Variants in UBTD2 observed in about 807,000 individuals in gnomAD.
UBTD2 encodes ubiquitin domain containing 2.
UBTD2 carries 9 observed loss-of-function variants against 19.8 expected under a neutral mutation model. That is an observed-to-expected ratio of 0.46 (90% CI 0.27 to 0.79). The LOEUF (loss-of-function observed/expected upper bound fraction) is 0.79. UBTD2 is among the 30% of genes least tolerant of loss of function. The pLI, the probability that UBTD2 is intolerant of heterozygous loss-of-function variation, is 0.14. For missense variants in UBTD2, 250 were observed against 300.4 expected, an observed-to-expected ratio of 0.83 and a Z score of 1.24; for synonymous variants, 98 against 103.9, an observed-to-expected ratio of 0.94 and a Z score of 0.35.
intron 1 of UBTD2, among the ~76,000 whole-genome samples, chr5:172,258,766 T>C (rs929811124): frequency 6.6e-6 from 1 of 152,204 alleles, no homozygotes; most frequent in South Asian, 2.1e-4. Context: ...TTGGATGTTA[T>C]TGTGTATAGA....
chr5:172,264,262 C>T (rs1219914538), intron 1 of UBTD2, among the ~76,000 whole-genome samples: 1 of 151,770 alleles, frequency 6.6e-6, no homozygotes, highest in Non-Finnish European at 1.5e-5. Flanking sequence ...AATAAAACAA[C>T]CCAGCCAGGT....
chr5:172,235,986 G>T (rs192812867), intron 1 of UBTD2, among the ~76,000 whole-genome samples: 2 of 152,134 alleles, frequency 1.3e-5, no homozygotes, highest in African/African-American at 4.8e-5. Flanking sequence ...CTCTCAAACT[G>T]GTTCTAAAGC....
chr5:172,239,364 G>C (rs914320431), intron 1 of UBTD2, among the ~76,000 whole-genome samples: 1 of 152,004 alleles, frequency 6.6e-6, no homozygotes, highest in Non-Finnish European at 1.5e-5. Context: ...AGGCAGGGGG[G>C]ATCACTTGAA....
At chr5:172,241,619 GAT>G (rs780653582) in intron 1 of UBTD2, among the ~76,000 whole-genome samples, 17 of 152,032 alleles carry the variant, frequency 1.1e-4, no homozygotes, top group Non-Finnish European at 2.1e-4. Flanking sequence ...AATATAGTTT[GAT>G]ATCTGGTAGG....
chr5:172,261,147 T>C (rs1396434449), intron 1 of UBTD2, among the ~76,000 whole-genome samples: 1 of 152,188 alleles, frequency 6.6e-6, no homozygotes, highest in Admixed American at 6.6e-5. Context: ...AGTGAGACAC[T>C]TTAGGAAGCA....
At chr5:172,280,872 AG>A (rs1223204516) in intron 1 of UBTD2, among the ~76,000 whole-genome samples, 29 of 152,328 alleles carry the variant, frequency 1.9e-4, no homozygotes, top group Admixed American at 1.4e-3. Context: ...ACACCTAATA[AG>A]GAAGGTTTTA....
intron 1 of UBTD2, among the ~76,000 whole-genome samples, chr5:172,249,287 TA>T (rs2113057677): frequency 6.7e-6 from 1 of 149,796 alleles, no homozygotes; most frequent in Non-Finnish European, 1.5e-5. Flanking sequence ...TAATCCCAGC[TA>T]CTCGGGAGGC....
intron 1 of UBTD2, among the ~76,000 whole-genome samples, chr5:172,260,298 T>C (rs940763349): frequency 5.3e-5 from 8 of 151,922 alleles, no homozygotes; most frequent in African/African-American, 1.7e-4. Context: ...CTTAATGTTT[T>C]ATCTGAAAAC....
intron 1 of UBTD2, among the ~76,000 whole-genome samples, chr5:172,268,999 G>A (rs1332457443): frequency 6.6e-6 from 1 of 152,086 alleles, no homozygotes; most frequent in Non-Finnish European, 1.5e-5. Context: ...TTACTTTTAA[G>A]AGATTCACAT....
At chr5:172,223,993 G>C (rs1171450871) in intron 2 of UBTD2, among the ~76,000 whole-genome samples, 1 of 152,190 alleles carries the variant, frequency 6.6e-6, no homozygotes, top group Admixed American at 6.5e-5. Context: ...ACAGCTTAAA[G>C]AAGGAAATGG....
chr5:172,246,507 C>G (rs188693051), intron 1 of UBTD2, among the ~76,000 whole-genome samples: 4 of 134,258 alleles, frequency 3.0e-5, no homozygotes, highest in South Asian at 2.3e-4. Context: ...TGCAGTGGTG[C>G]GATCTTGGCT....
In UBTD2 at chr5:172,283,464, G is replaced by A. The variant is rs531163704; in HGVS notation, c.70+132C>T. On this transcript the variant is annotated intron_variant, in intron 1 of 2. Coordinates refer to ENST00000393792, the MANE Select transcript of UBTD2 (RefSeq NM_152277.3). The surrounding 1 kb of genome is among the most constrained non-coding windows in gnomAD (Gnocchi z 4.3). ...CTGGCAGGACAGCCGGAAGCGGAGC[G>A]CGGGGAATGACGTGGAAGAGGGGAT... 125 of 663,612 alleles carry A rather than the reference G, an allele frequency of 1.9e-4. No homozygotes were observed. Among genetic ancestry groups the A allele is most frequent in the African/African-American group, 1.0e-3 (53 of 52,682 alleles). The allele number at this position is 663,612 out of a possible 1,614,324, so 41.1% of individuals were successfully genotyped here. A position where few individuals can be genotyped will look rare whatever the true frequency, so the allele number is the denominator to read the frequency against.
intron 1 of UBTD2, chr5:172,255,041 G>T: frequency 1.9e-6 from 1 of 527,764 alleles, no homozygotes; most frequent in Non-Finnish European, 3.7e-6. Context: ...TCTGTGCCAG[G>T]AGAGGGCAGC....
chr5:172,282,969 C>T (rs547037478), intron 1 of UBTD2, among the ~76,000 whole-genome samples: 3 of 152,232 alleles, frequency 2.0e-5, no homozygotes, highest in African/African-American at 4.8e-5. Context: ...GCCTAACACC[C>T]CCAAGCTCTA....
At chr5:172,237,760 T>C (rs1561855702) in intron 1 of UBTD2, among the ~76,000 whole-genome samples, 1 of 152,240 alleles carries the variant, frequency 6.6e-6, no homozygotes, top group Non-Finnish European at 1.5e-5. Flanking sequence ...TTCATATTCA[T>C]AAACCACTCA....
At chr5:172,276,972 G>A (rs942213267) in intron 1 of UBTD2, among the ~76,000 whole-genome samples, 9 of 149,076 alleles carry the variant, frequency 6.0e-5, no homozygotes, top group Non-Finnish European at 1.2e-4. Context: ...GGGAGGCTGA[G>A]GCAGGAGAAT....
intron 2 of UBTD2, among the ~76,000 whole-genome samples, chr5:172,215,985 G>A (rs538007379): frequency 5.9e-5 from 9 of 152,124 alleles, no homozygotes; most frequent in East Asian, 5.8e-4. Flanking sequence ...CCAACATGGC[G>A]AAACCCCGTC....
chr5:172,241,052 CTTT>C (rs35160270), intron 1 of UBTD2, among the ~76,000 whole-genome samples: 2 of 147,326 alleles, frequency 1.4e-5, no homozygotes, highest in Non-Finnish European at 1.5e-5. Context: ...CATGAGTTAA[CTTT>C]TTTTTTTTTT....
intron 1 of UBTD2, among the ~76,000 whole-genome samples, chr5:172,248,663 G>C (rs1490687142): frequency 6.6e-6 from 1 of 151,806 alleles, no homozygotes; most frequent in East Asian, 1.9e-4. Context: ...TCAGATGGCA[G>C]AGGCATGAGA....
Sources: allele counts gnomAD v4.1 joint callset (sites outside exome capture counted in the v4.1 genomes callset), GRCh38; gene constraint gnomAD v4.1.1; non-coding constraint Gnocchi (gnomAD v3.1); transcripts MANE v1.5; gene names NCBI Gene and HGNC (gene_info 2026-07-23, HGNC 2026-07-21).